ELF4: variants seen among roughly 807,000 people sequenced by gnomAD.
ELF4 encodes ETS-related transcription factor Elf-4.
ELF4 carries 10 observed loss-of-function variants against 31.7 expected under a neutral mutation model. The ratio of observed to expected loss-of-function variants is 0.32; its 90% CI spans 0.19 to 0.54. The LOEUF (loss-of-function observed/expected upper bound fraction) is 0.54. ELF4 is among the 20% of genes least tolerant of loss of function. The pLI, the probability that ELF4 is intolerant of heterozygous loss-of-function variation, is 0.95. For missense variants in ELF4, 418 were observed against 522.0 expected (o/e 0.80, Z 1.94); for synonymous variants, 208 against 226.7 (o/e 0.92, Z 0.74).
intron 1 of ELF4, among the ~76,000 whole-genome samples, chrX:130,091,065 A>G (rs1479895900): frequency 3.6e-5 from 4 of 111,865 alleles, no homozygotes; most frequent in African/African-American, 6.5e-5. Flanking sequence ...TCTTTGTAGG[A>G]AAGGTTTGCT....
At chrX:130,098,835 T>C (rs1178076672) in intron 1 of ELF4, among the ~76,000 whole-genome samples, 1 of 112,083 alleles carries the variant, frequency 8.9e-6, no homozygotes, top group African/African-American at 3.2e-5. Context: ...CTGACCCACC[T>C]GCAGGCAGGC....
intron 1 of ELF4, among the ~76,000 whole-genome samples, chrX:130,084,095 G>C (rs1161129153): frequency 8.9e-6 from 1 of 112,480 alleles, no homozygotes; most frequent in Non-Finnish European, 1.9e-5. Flanking sequence ...GTAGGTATAT[G>C]TGTGTGCAGG....
rs763179578 is a variant in ELF4, at chrX:130,082,605, C to T, written c.-209-1066G>A. Among the ~76,000 whole-genome samples, 14 of 111,226 alleles carry T rather than the reference C, an allele frequency of 1.3e-4. No homozygotes were observed. In the East Asian group the frequency reaches 3.4e-3, roughly 27 times the overall value. Reference sequence around the variant, plus strand: ...CAGCGCTCACGGTGTCACATGGCGTCCGGGCCTGCATTTGTTCCCCCTGTC... The same window carrying T: ...CAGCGCTCACGGTGTCACATGGCGTTCGGGCCTGCATTTGTTCCCCCTGTC... On this transcript the variant is annotated intron_variant, in intron 1 of 8. Coordinates refer to ENST00000308167, the MANE Select transcript of ELF4 (RefSeq NM_001421.4).
intron 1 of ELF4, among the ~76,000 whole-genome samples, chrX:130,097,874 A>G (rs761381552): frequency 1.8e-5 from 2 of 112,717 alleles, no homozygotes; most frequent in Non-Finnish European, 3.8e-5. Context: ...GGATGTTTCC[A>G]CATCAAGCCC....
intron 1 of ELF4, among the ~76,000 whole-genome samples, chrX:130,105,972 C>A (rs762954335): frequency 1.8e-5 from 2 of 109,825 alleles, no homozygotes; most frequent in Non-Finnish European, 1.9e-5. Flanking sequence ...GTTTATATCT[C>A]CCGGAGTGGA....
chrX:130,080,423 C>CAAAAAAAA (rs3077212), intron 2 of ELF4, among the ~76,000 whole-genome samples: 1 of 56,364 alleles, frequency 1.8e-5, no homozygotes, highest in Non-Finnish European at 3.3e-5. Flanking sequence ...GACTTCGTTT[C>CAAAAAAAA]AAAAAAAAAA....
intron 2 of ELF4, among the ~76,000 whole-genome samples, chrX:130,076,293 G>A (rs1299872401): frequency 9.0e-6 from 1 of 111,102 alleles, no homozygotes; most frequent in Non-Finnish European, 1.9e-5. Flanking sequence ...GGGAGGCTGA[G>A]GCAGGTGCAT....
chrX:130,096,195 G>A (rs1933147775), intron 1 of ELF4, among the ~76,000 whole-genome samples: 1 of 110,501 alleles, frequency 9.0e-6, no homozygotes, highest in Non-Finnish European at 1.9e-5. Flanking sequence ...GTTTTGTTTT[G>A]TTTTTGAGAC....
chrX:130,102,974 G>T (rs1603211569), intron 1 of ELF4, among the ~76,000 whole-genome samples: 1 of 93,690 alleles, frequency 1.1e-5, no homozygotes, highest in Non-Finnish European at 2.1e-5. Context: ...AAGGAAGGAA[G>T]GAAGGAAGGA....
At chrX:130,084,104 G>A (rs1474556412) in intron 1 of ELF4, among the ~76,000 whole-genome samples, 1 of 112,494 alleles carries the variant, frequency 8.9e-6, no homozygotes, top group African/African-American at 3.2e-5. Context: ...TGTGTGTGCA[G>A]GGTGTGTGCA....
chrX:130,074,494 G>A (rs1215043714), intron 3 of ELF4, 87 bp downstream of exon 3: 3 of 1,158,589 alleles, frequency 2.6e-6, no homozygotes, highest in Non-Finnish European at 1.2e-6. Context: ...TCTGCACGGG[G>A]TTACTAGAGG....
In ELF4 at chrX:130,069,419, G is replaced by A. The variant is rs750087937; in HGVS notation, c.1068C>T (p.Val356=). 27 of 1,210,531 alleles carry A rather than the reference G, an allele frequency of 2.2e-5. No individual in the cohort carries two copies. Among genetic ancestry groups the A allele is most frequent in the East Asian group, 5.9e-5 (2 of 33,790 alleles). ...CCAGACTCGCAGATGGCTGGAGACCGACATGCTGAATTTTTGGCTTCTCCC... is the reference window on the plus strand; with the variant it reads ...CCAGACTCGCAGATGGCTGGAGACCAACATGCTGAATTTTTGGCTTCTCCC... The part of the protein sequence containing the change: ...SSWEKPKIQH[V]GLQPSASLEL... Residue 356 remains valine (V), a synonymous_variant, in exon 8 of 9, where the codon GTC becomes GTT. Transcript: ENST00000308167.
At chrX:130,096,031 A>C (rs1933143881) in intron 1 of ELF4, among the ~76,000 whole-genome samples, 1 of 111,782 alleles carries the variant, frequency 8.9e-6, no homozygotes, top group African/African-American at 3.3e-5. Context: ...CCATCTGCCT[A>C]AACAATATTG....
chrX:130,071,272 G>A (rs1476200721), intron 6 of ELF4, 40 bp from the exon 7 acceptor site: 1 of 1,210,315 alleles, frequency 8.3e-7, no homozygotes, highest in Admixed American at 2.2e-5. Context: ...CTGGGCAGCT[G>A]GGGCACCCTG....
At chrX:130,090,532 G>C (rs1321350526) in intron 1 of ELF4, among the ~76,000 whole-genome samples, 1 of 111,533 alleles carries the variant, frequency 9.0e-6, no homozygotes, top group Non-Finnish European at 1.9e-5. Flanking sequence ...TTCAACTTCT[G>C]CAAGCCCAAT....
chrX:130,101,772 C>A (rs1412840798), intron 1 of ELF4, among the ~76,000 whole-genome samples: 1 of 109,278 alleles, frequency 9.2e-6, no homozygotes, highest in African/African-American at 3.4e-5. Flanking sequence ...GCACTCCAGC[C>A]TGGGCGACAA....
At chrX:130,074,162 G>C (rs1187253349) in intron 3 of ELF4, 21 bp from the exon 4 acceptor site, 3 of 1,207,786 alleles carry the variant, frequency 2.5e-6, no homozygotes, top group Non-Finnish European at 3.4e-6. Context: ...TTCCATGGTG[G>C]GAGGAGAGAA....
chrX:130,096,110 G>A (rs1318549092), intron 1 of ELF4, among the ~76,000 whole-genome samples: 1 of 112,123 alleles, frequency 8.9e-6, no homozygotes, highest in East Asian at 2.8e-4. Flanking sequence ...CAAGGGTTGG[G>A]AGAAAATGGG....
chrX:130,069,336 G>A lies in ELF4; in HGVS notation c.1151C>T (p.Pro384Leu). 3.3e-6 allele frequency: 4 copies of A among 1,212,343 alleles called. No homozygotes were observed. Among genetic ancestry groups the A allele is most frequent in the Non-Finnish European group, 4.5e-6 (4 of 895,635 alleles). ...IPTTSTMLVS[P>L]AEGQVKLTKA... ...GGTGAGCTTGACCTGGCCCTCTGCT[G>A]GAGAGACGAGCATGGTGGAGGTAGT... The change falls in exon 8 of 9, where the codon CCA becomes CTA. Residue 384 changes from proline (P) to leucine (L), a missense_variant. Pro to Leu is a moderately conservative substitution (Grantham distance 98). This residue lies in a region of ELF4 where 260 missense variants were observed against 269.2 expected (regional missense o/e 0.97). Coordinates refer to ENST00000308167, the MANE Select transcript of ELF4 (RefSeq NM_001421.4).
Sources: gnomAD v4.1 joint callset for allele counts (sites outside exome capture counted in the v4.1 genomes callset) on GRCh38, gnomAD v4.1.1 for gene constraint, gnomAD v4.1.1 regional missense constraint, MANE v1.5 for transcripts, NCBI Gene and HGNC (gene_info 2026-07-23, HGNC 2026-07-21) for gene names.